The following EPAS1 variants were observed in gnomAD, a reference collection of about 807,000 sequenced individuals.
EPAS1 encodes the protein endothelial PAS domain-containing protein 1.
In EPAS1, 23 loss-of-function variants were observed where a neutral mutation model predicts 87.9. That is an observed-to-expected ratio of 0.26 (90% CI 0.19 to 0.37). EPAS1 has a LOEUF of 0.37. Among genes scored for constraint, EPAS1 ranks in the 10% least tolerant of loss-of-function variants. The pLI is 1.00. For synonymous variants in EPAS1, 508 were observed against 444.3 expected, an observed-to-expected ratio of 1.14 and a Z score of -1.80; for missense variants, 1,138 against 1,120.7, an observed-to-expected ratio of 1.02 and a Z score of -0.22.
At chr2:46,384,341 G>C in intron 15 of EPAS1, 168 bp from the exon 16 acceptor site, 1 of 949,328 alleles carries the variant, frequency 1.1e-6, no homozygotes, top group Non-Finnish European at 1.7e-6. Context: ...AGTGGTTCTG[G>C]AGGCAGACAC....
Position 46,377,937 on chromosome 2 carries a change from C to G in EPAS1, c.1293C>G (p.Ile431Met). 1.9e-6 allele frequency: 3 copies of G among 1,556,162 alleles called. No homozygotes were observed. The highest frequency in any genetic ancestry group is 2.6e-6 in the Non-Finnish European group (3 of 1,149,476). The change falls in exon 10 of 16, where the codon ATC (isoleucine) becomes ATG (methionine). Residue 431 changes from isoleucine to methionine, a missense_variant. Ile to Met is a conservative substitution (Grantham distance 10). Around this residue, in one of 4 missense-constraint regions of EPAS1, gnomAD observed 284 missense variants for 258.4 expected, o/e 1.10. Coordinates refer to ENST00000263734, the MANE Select transcript of EPAS1 (RefSeq NM_001430.5). ...AGTCCTCAGCCTATGGCAAGGCCAT[C>G]CTGCCCCCGAGCCAGCCATGGGCCA... ...FEESSAYGKA[I>M]LPPSQPWATE...
At position 46,347,068 on chromosome 2, in the gene EPAS1, G is replaced by T. The variant is rs779189080; in HGVS notation, c.217+5G>T. 1 of 1,614,196 alleles carries T rather than the reference G, an allele frequency of 6.2e-7. No individual in the cohort carries two copies. Among genetic ancestry groups the T allele is most frequent in the East Asian group, 2.2e-5 (1 of 44,880 alleles). On this transcript the variant is annotated splice_donor_5th_base_variant and intron_variant, in intron 2 of 15. Coordinates refer to ENST00000263734, the MANE Select transcript of EPAS1 (RefSeq NM_001430.5). This position sits in a 1 kb window ranked among gnomAD's most constrained non-coding sequence, Gnocchi z 4.2. ...CACACAAGCTCCTCTCCTCAGGTAA[G>T]GCCAGCAGGCTCCCCTAGGCTGGGC...
At chr2:46,323,635 C>CT (rs1411427087) in intron 1 of EPAS1, among the ~76,000 whole-genome samples, 2 of 152,252 alleles carry the variant, frequency 1.3e-5, no homozygotes, top group African/African-American at 2.4e-5. Context: ...CAGAGGCTCT[C>CT]TGAGTCCCAA....
chr2:46,371,872 A>T lies in EPAS1; in HGVS notation c.886+1939A>T, dbSNP rs1231237101. On this transcript the variant is annotated intron_variant, in intron 7 of 15. Transcript: ENST00000263734. This position sits in a 1 kb window ranked among gnomAD's most constrained non-coding sequence, Gnocchi z 4.3. ...GAGACAAATGTAAAAATTTCTGGGA[A>T]TTCTTGGAGGACAGTATTACCTTTT... Among the ~76,000 whole-genome samples the T allele has an allele frequency of 6.6e-6, 1 of 152,186 alleles. No individual in the cohort carries two copies. Among genetic ancestry groups the T allele is most frequent in the South Asian group, 2.1e-4 (1 of 4,830 alleles).
In EPAS1 at chr2:46,382,583, G is replaced by C. The variant is rs2103678513; in HGVS notation, c.2446G>C (p.Ala816Pro). The C allele has an allele frequency of 6.2e-7, 1 of 1,614,104 alleles. No homozygotes were observed. The highest frequency in any genetic ancestry group is 8.5e-7 in the Non-Finnish European group (1 of 1,180,048). ...TQYQDYSLSS[A>P]HKVSGMASRL... Reference sequence around the variant, plus strand: ...GTACCAGGACTACAGCCTGTCGTCAGCCCACAAGGTGTCAGGTGGGTGTGC... The same window carrying C: ...GTACCAGGACTACAGCCTGTCGTCACCCCACAAGGTGTCAGGTGGGTGTGC... The change falls in exon 15 of 16, where the codon GCC becomes CCC. Residue 816 changes from alanine to proline, a missense_variant. Transcript: ENST00000263734.
At chr2:46,362,951 TTAGTGGTGGTGGTGGTGGTGGTGG>T (rs781019980) in intron 6 of EPAS1, among the ~76,000 whole-genome samples, 3,157 of 122,488 alleles carry the variant, frequency 0.026, 57 homozygotes, top group African/African-American at 0.043. Context: ...ATTGTAATTG[TTAGTGGTGGTGGTGGTGGTGGTGG>T]TAGTGGTGGT....
At chr2:46,304,311 C>G (rs780975850) in intron 1 of EPAS1, among the ~76,000 whole-genome samples, 6 of 152,128 alleles carry the variant, frequency 3.9e-5, no homozygotes, top group Admixed American at 6.5e-5. Context: ...GAAGGGCTAA[C>G]TGCCCAAGGT....
rs1321661903 is a variant in EPAS1 at position 46,369,861 on chromosome 2, C to G, written c.814C>G (p.Leu272Val). Residue 272 changes from leucine to valine, a missense_variant, in exon 7 of 16, where the codon CTG becomes GTG. This residue lies in a region of EPAS1 where 351 missense variants were observed against 417.1 expected (regional missense o/e 0.84). Transcript: ENST00000263734. Reference protein sequence around the residue: ...TELIGYHPEELLGRSAYEFYH... With the variant: ...TELIGYHPEEVLGRSAYEFYH... Reference sequence around the variant, plus strand: ...ACTGATTGGTTACCACCCTGAGGAGCTGCTTGGCCGCTCAGCCTATGAATT... The same window carrying G: ...ACTGATTGGTTACCACCCTGAGGAGGTGCTTGGCCGCTCAGCCTATGAATT... The G allele has an allele frequency of 6.2e-7, 1 of 1,613,172 alleles. No individual in the cohort carries two copies. Among genetic ancestry groups the G allele is most frequent in the African/African-American group, 1.3e-5 (1 of 74,884 alleles).
intron 2 of EPAS1, among the ~76,000 whole-genome samples, chr2:46,350,575 C>T (rs1684127653): frequency 6.6e-6 from 1 of 152,216 alleles, no homozygotes; most frequent in African/African-American, 2.4e-5. Context: ...GGACAGAACA[C>T]ACTCTTACAG....
intron 13 of EPAS1, 26 bp downstream of exon 13, chr2:46,381,748 G>A: frequency 1.9e-6 from 3 of 1,613,486 alleles, no homozygotes; most frequent in Non-Finnish European, 1.7e-6. Flanking sequence ...TGGCCACAGG[G>A]GCCTCTCCAT....
At chr2:46,341,921 A>G (rs751515766) in intron 1 of EPAS1, among the ~76,000 whole-genome samples, 4 of 152,218 alleles carry the variant, frequency 2.6e-5, no homozygotes, top group Non-Finnish European at 5.9e-5. Flanking sequence ...CTCTTTGAGA[A>G]AGGTGACATA....
chr2:46,298,297 T>G (rs150100711), intron 1 of EPAS1, among the ~76,000 whole-genome samples: 12 of 152,232 alleles, frequency 7.9e-5, no homozygotes, highest in African/African-American at 2.7e-4. Flanking sequence ...TGTGGGTGCA[T>G]GTCCTCGACT....
chr2:46,362,027 C>T (rs147612126), intron 6 of EPAS1, among the ~76,000 whole-genome samples: 78 of 152,290 alleles, frequency 5.1e-4, no homozygotes, highest in Middle Eastern at 3.4e-3. Flanking sequence ...CCAGGGTAGG[C>T]CTGGCTTGAG....
Position 46,380,137 on chromosome 2 carries a change from G to A in EPAS1, c.1555-90G>A, listed in dbSNP as rs1188462565. On this transcript the variant is annotated intron_variant, in intron 11 of 15. Transcript: ENST00000263734. This position sits in a 1 kb window ranked among gnomAD's most constrained non-coding sequence, Gnocchi z 4.4. ...AGCAGCACTGTGAAACAGTGCTTGA[G>A]ATGAATGGCTCTGCAGGAGCTGAGT... The A allele has an allele frequency of 3.8e-6, 6 of 1,594,056 alleles. No individual in the cohort carries two copies. The highest frequency in any genetic ancestry group is 1.3e-5 in the African/African-American group (1 of 74,814).
At chr2:46,366,815 A>G (rs1440251320) in intron 6 of EPAS1, among the ~76,000 whole-genome samples, 1 of 152,146 alleles carries the variant, frequency 6.6e-6, no homozygotes, top group Non-Finnish European at 1.5e-5. Flanking sequence ...AGCCTGGGGG[A>G]AATGAGCGGG....
At chr2:46,309,643 T>C (rs1023611891) in intron 1 of EPAS1, among the ~76,000 whole-genome samples, 4 of 152,132 alleles carry the variant, frequency 2.6e-5, no homozygotes, top group African/African-American at 9.7e-5. Context: ...GGGCATTCCA[T>C]TTGAGGTGAA....
At chr2:46,373,436 C>G (rs753339277) in intron 7 of EPAS1, among the ~76,000 whole-genome samples, 2 of 152,168 alleles carry the variant, frequency 1.3e-5, no homozygotes, top group East Asian at 1.9e-4. Flanking sequence ...CAACGGAATA[C>G]AACTCACTGA....
intron 15 of EPAS1, 173 bp from the exon 16 acceptor site, chr2:46,384,336 T>A (rs2103681870): frequency 1.1e-6 from 1 of 913,996 alleles, no homozygotes; most frequent in East Asian, 2.5e-5. Flanking sequence ...GAGGCAGTGG[T>A]TCTGGAGGCA....
At chr2:46,378,570 C>T (rs558242019) in intron 10 of EPAS1, 87 bp from the exon 11 acceptor site, 1 of 1,113,210 alleles carries the variant, frequency 9.0e-7, no homozygotes, top group Admixed American at 1.8e-5. Context: ...CCTTTGGGTC[C>T]AGGAAGGTAT....
Sources: allele counts gnomAD v4.1 joint callset (sites outside exome capture counted in the v4.1 genomes callset), GRCh38; gene constraint gnomAD v4.1.1; regional missense constraint gnomAD v4.1.1; non-coding constraint Gnocchi (gnomAD v3.1); transcripts MANE v1.5; gene names NCBI Gene and HGNC (gene_info 2026-07-23, HGNC 2026-07-21).